CEP192: variants seen among roughly 807,000 people sequenced by gnomAD.
CEP192 encodes the protein centrosomal protein 192, also known as centrosomal protein of 192 kDa.
CEP192 carries 151 observed loss-of-function variants against 271.8 expected under a neutral mutation model. The observed-to-expected ratio is 0.56, with a 90% CI of 0.49 to 0.64. The LOEUF is 0.64. CEP192 is among the 30% of genes least tolerant of loss of function. CEP192 has a pLI of 0.00. For synonymous variants in CEP192, 995 were observed against 1,076.5 expected (o/e 0.92, Z 1.48); for missense variants, 2,910 against 3,020.5 (o/e 0.96, Z 0.86).
chr18:13,035,287 A>G (rs2035857487), intron 11 of CEP192, among the ~76,000 whole-genome samples: 1 of 152,184 alleles, frequency 6.6e-6, no homozygotes, highest in African/African-American at 2.4e-5. Context: ...GTTTGTTTTT[A>G]TGCTGCTGAT....
intron 36 of CEP192, among the ~76,000 whole-genome samples, chr18:13,098,742 G>A (rs1245049563): frequency 5.3e-5 from 8 of 152,056 alleles, no homozygotes; most frequent in Admixed American, 4.6e-4. Flanking sequence ...ATGATGGGCG[G>A]CCAGGCAGAG....
intron 42 of CEP192, among the ~76,000 whole-genome samples, chr18:13,115,177 T>C (rs1224100606): frequency 6.6e-6 from 1 of 152,226 alleles, no homozygotes; most frequent in Non-Finnish European, 1.5e-5. Context: ...CTGTTATCCC[T>C]TGCTTCTCTC....
chr18:13,072,314 T>C (rs1450129576), intron 28 of CEP192, among the ~76,000 whole-genome samples: 3 of 152,216 alleles, frequency 2.0e-5, no homozygotes, highest in Non-Finnish European at 4.4e-5. Context: ...TTCAATATAC[T>C]GTGTAAAAGA....
chr18:13,009,774 A>G (rs1342927887), intron 4 of CEP192, among the ~76,000 whole-genome samples: 1 of 152,194 alleles, frequency 6.6e-6, no homozygotes, highest in Non-Finnish European at 1.5e-5. Flanking sequence ...CGGAGATTGC[A>G]GCAAGCCGAG....
chr18:13,102,375 C>G (rs1427277707), intron 38 of CEP192, among the ~76,000 whole-genome samples: 1 of 152,112 alleles, frequency 6.6e-6, no homozygotes, highest in Admixed American at 6.5e-5. Flanking sequence ...ATCAGCTTCT[C>G]CCTCCTTGTT....
intron 36 of CEP192, among the ~76,000 whole-genome samples, 172 bp downstream of exon 36, chr18:13,096,479 C>A (rs1184782371): frequency 6.6e-6 from 1 of 152,022 alleles, no homozygotes; most frequent in Non-Finnish European, 1.5e-5. Flanking sequence ...AAGTGGTAGG[C>A]GGTCTAGTGG....
At chr18:13,008,678 C>A in intron 4 of CEP192, 47 bp downstream of exon 4, 3 of 1,357,418 alleles carry the variant, frequency 2.2e-6, no homozygotes, top group South Asian at 1.4e-5. Context: ...GTTTTAATTT[C>A]CTTTTTCATT....
chr18:12,995,389 A>G (rs552936361), intron 1 of CEP192, among the ~76,000 whole-genome samples: 6 of 152,282 alleles, frequency 3.9e-5, no homozygotes, highest in African/African-American at 1.4e-4. Context: ...GAACATGTTT[A>G]TGGAAATCAA....
intron 1 of CEP192, among the ~76,000 whole-genome samples, chr18:12,994,189 T>C (rs1397221460): frequency 6.6e-6 from 1 of 152,156 alleles, no homozygotes; most frequent in Admixed American, 6.5e-5. Flanking sequence ...GACAGATAAA[T>C]ACAAGAATAA....
In CEP192 at chr18:13,013,361, C is replaced by A. The variant is rs2034469444; in HGVS notation, c.519+336C>A. On this transcript the variant is annotated intron_variant, in intron 5 of 44. Coordinates refer to ENST00000506447, the MANE Select transcript of CEP192 (RefSeq NM_032142.4). ...TGTGTGTGTATGTGTTTCATTGTAT[C>A]CTGAGTGCCTGAGTGTCTGGAATGG... Among the ~76,000 whole-genome samples the A allele has an allele frequency of 2.0e-5, 3 of 152,034 alleles. No individual in the cohort carries two copies. In the South Asian group the frequency reaches 6.2e-4, roughly 32 times the overall value.
At chr18:13,088,531 G>A (rs780535022) in intron 32 of CEP192, among the ~76,000 whole-genome samples, 4 of 152,158 alleles carry the variant, frequency 2.6e-5, no homozygotes, top group Non-Finnish European at 5.9e-5. Flanking sequence ...TTAAGTTTAG[G>A]CGTGATTTAA....
chr18:13,118,394 A>T (rs1394890967), intron 44 of CEP192, among the ~76,000 whole-genome samples: 1 of 152,234 alleles, frequency 6.6e-6, no homozygotes, highest in African/African-American at 2.4e-5. Flanking sequence ...TTATGCACTT[A>T]CTAAGACCAG....
chr18:13,002,342 A>G (rs1446611287), intron 3 of CEP192, among the ~76,000 whole-genome samples: 2 of 152,132 alleles, frequency 1.3e-5, no homozygotes, highest in Non-Finnish European at 1.5e-5. Context: ...AATTAGATGC[A>G]GTATTATGTT....
At chr18:13,106,376 TACCACCACCATC>T (rs1405075727) in intron 40 of CEP192, among the ~76,000 whole-genome samples, 1 of 150,516 alleles carries the variant, frequency 6.6e-6, no homozygotes, top group Non-Finnish European at 1.5e-5. Context: ...CCCACACAGC[TACCACCACCATC>T]ACCACCACTA....
intron 1 of CEP192, among the ~76,000 whole-genome samples, chr18:12,998,809 T>C (rs1176238182): frequency 6.6e-6 from 1 of 152,232 alleles, no homozygotes; most frequent in Non-Finnish European, 1.5e-5. Flanking sequence ...CAGAGCACCG[T>C]GGTCAGGTTC....
intron 40 of CEP192, among the ~76,000 whole-genome samples, chr18:13,107,128 T>C (rs748714046): frequency 1.9e-4 from 29 of 152,236 alleles, no homozygotes; most frequent in Admixed American, 2.6e-4. Context: ...CATTCCCATT[T>C]TACAGGTAGT....
chr18:13,116,341 T>C (rs2040427681), intron 42 of CEP192, 36 bp from the exon 43 acceptor site: 1 of 1,597,694 alleles, frequency 6.3e-7, no homozygotes. Flanking sequence ...ACTGTGGATT[T>C]CAGATTCTTA....
intron 19 of CEP192, 78 bp downstream of exon 19, chr18:13,056,776 A>G: frequency 8.4e-7 from 1 of 1,194,486 alleles, no homozygotes; most frequent in Non-Finnish European, 1.2e-6. Flanking sequence ...TGTTTCAAGG[A>G]GTTACTGGTT....
At chr18:13,095,826 A>G in intron 35 of CEP192, 145 bp downstream of exon 35, 1 of 726,942 alleles carries the variant, frequency 1.4e-6, no homozygotes, top group Non-Finnish European at 2.2e-6. Flanking sequence ...ACTGTTGGAG[A>G]CCCCACTCAG....
Sources: allele counts gnomAD v4.1 joint callset (sites outside exome capture counted in the v4.1 genomes callset), GRCh38; gene constraint gnomAD v4.1.1; transcripts MANE v1.5; gene names NCBI Gene and HGNC (gene_info 2026-07-23, HGNC 2026-07-21).